The following LRTM2 variants were observed in gnomAD, a reference collection of about 807,000 sequenced individuals.
The protein encoded by LRTM2 is leucine rich repeat transmembrane protein 2, also known as leucine-rich repeat and transmembrane domain-containing protein 2.
In LRTM2, 18 loss-of-function variants were observed where a neutral mutation model predicts 28.1. The observed-to-expected ratio is 0.64, with a 90% CI of 0.44 to 0.95. The LOEUF (loss-of-function observed/expected upper bound fraction) is 0.95. LRTM2 is among the 40% of genes least tolerant of loss of function. LRTM2 has a pLI of 0.00. For missense variants in LRTM2, 436 were observed against 497.2 expected (o/e 0.88, Z 1.17); for synonymous variants, 250 against 218.7 (o/e 1.14, Z -1.26).
intron 1 of LRTM2, among the ~76,000 whole-genome samples, chr12:1,823,910 C>G (rs552979030): frequency 1.3e-5 from 2 of 152,180 alleles, no homozygotes; most frequent in Non-Finnish European, 2.9e-5. Flanking sequence ...AAGTAACCCC[C>G]ACGTGTAAGC....
chr12:1,821,621 G>T (rs1027270594), intron 1 of LRTM2, among the ~76,000 whole-genome samples: 1 of 152,168 alleles, frequency 6.6e-6, no homozygotes, highest in South Asian at 2.1e-4. Context: ...GAGCTTGGGT[G>T]GGGGGTACAC....
At chr12:1,826,016 C>A (rs1293994499) in intron 1 of LRTM2, among the ~76,000 whole-genome samples, 1 of 152,072 alleles carries the variant, frequency 6.6e-6, no homozygotes, top group African/African-American at 2.4e-5. Flanking sequence ...CTGCGAGGGC[C>A]GTAGGTGTGG....
At chr12:1,822,886 C>G (rs796971284) in intron 1 of LRTM2, among the ~76,000 whole-genome samples, 12 of 152,152 alleles carry the variant, frequency 7.9e-5, no homozygotes, top group Non-Finnish European at 1.6e-4. Context: ...GTCTTTGGCC[C>G]GGGGCTCTGG....
chr12:1,826,388 T>C (rs912688811), intron 1 of LRTM2, among the ~76,000 whole-genome samples: 1 of 146,294 alleles, frequency 6.8e-6, no homozygotes. Flanking sequence ...GGACCAGAGA[T>C]TTGAACCCAG....
Position 1,829,793 on chromosome 12 carries a change from G to A in LRTM2, c.68-1142G>A, listed in dbSNP as rs1006725598. Among the ~76,000 whole-genome samples the A allele has an allele frequency of 6.6e-6, 1 of 151,624 alleles. No individual in the cohort carries two copies. The highest frequency in any genetic ancestry group is 1.5e-5 in the Non-Finnish European group (1 of 67,860). ...ACTTCTCCATCAGTTCTCTGGCTGG[G>A]GTCTTTTCTCTAGGCTGGGTGGAAC... On this transcript the variant is annotated intron_variant, in intron 3 of 4. Transcript: ENST00000299194. The surrounding 1 kb of genome is among the most constrained non-coding windows in gnomAD (Gnocchi z 4.2).
At position 1,834,692 on chromosome 12, in the gene LRTM2, G is replaced by T. The variant is rs1164210408; in HGVS notation, c.1084G>T (p.Asp362Tyr). 2 of 1,601,462 alleles carry T rather than the reference G, an allele frequency of 1.2e-6. No individual in the cohort carries two copies. The highest frequency in any genetic ancestry group is 2.2e-5 in the South Asian group (2 of 90,976). The change falls in exon 5 of 5, where the codon GAC (aspartate) becomes TAC (tyrosine). Residue 362 changes from aspartate to tyrosine, a missense_variant. Physicochemically the swap from Asp to Tyr is radical, Grantham distance 160. Coordinates refer to ENST00000299194, the MANE Select transcript of LRTM2 (RefSeq NM_001039029.3). This position sits in a 1 kb window ranked among gnomAD's most constrained non-coding sequence, Gnocchi z 7.6. Reference protein sequence around the residue: ...LMGDPEGEHEDQKQISSVA With the variant: ...LMGDPEGEHEYQKQISSVA ...GGGGGACCCCGAGGGCGAGCACGAG[G>T]ACCAGAAGCAGATCTCTTCTGTGGC...
rs1335302022 is a variant in LRTM2 at position 1,829,691 on chromosome 12, C to T, written c.68-1244C>T. Among the ~76,000 whole-genome samples, 8 of 148,774 alleles carry T rather than the reference C, an allele frequency of 5.4e-5. No individual in the cohort carries two copies. The highest frequency in any genetic ancestry group is 9.8e-5 in the African/African-American group (4 of 40,790). On this transcript the variant is annotated intron_variant, in intron 3 of 4. Coordinates refer to ENST00000299194, the MANE Select transcript of LRTM2 (RefSeq NM_001039029.3). This position sits in a 1 kb window ranked among gnomAD's most constrained non-coding sequence, Gnocchi z 4.2. ...TGTTCAGACCCAGCTCACAGCCCAT[C>T]GGCCCACCCCGACCTGGGACAGCCA...
chr12:1,831,443 G>T lies in LRTM2; in HGVS notation c.576G>T (p.Leu192=). Reference sequence around the variant, plus strand: ...TTGAACCCCTAGCAAACCTGCAGCTGCTGCAGGTCGGGGATAACCCCTGGG... The same window carrying T: ...TTGAACCCCTAGCAAACCTGCAGCTTCTGCAGGTCGGGGATAACCCCTGGG... ...LTFEPLANLQ[L]LQVGDNPWEC... Residue 192 remains leucine, a synonymous_variant, in exon 4 of 5, where the codon CTG becomes CTT. Transcript: ENST00000299194. 6.2e-7 allele frequency: 1 copy of T among 1,614,132 alleles called. No homozygotes were observed. Among genetic ancestry groups the T allele is most frequent in the Non-Finnish European group, 8.5e-7 (1 of 1,180,038 alleles).
Position 1,831,087 on chromosome 12 carries a change from T to G in LRTM2, c.220T>G (p.Leu74Val), listed in dbSNP as rs1864604682. 1 of 1,614,040 alleles carries G rather than the reference T, an allele frequency of 6.2e-7. No homozygotes were observed. The highest frequency in any genetic ancestry group is 8.5e-7 in the Non-Finnish European group (1 of 1,180,036). Residue 74 changes from leucine to valine, a missense_variant, in exon 4 of 5, where the codon TTG (leucine) becomes GTG (valine). Leu to Val is a conservative substitution (Grantham distance 32). Coordinates refer to ENST00000299194, the MANE Select transcript of LRTM2 (RefSeq NM_001039029.3). The stretch of plus-strand genomic sequence containing the variant: ...CGTGCCCGCAGCCACCCGAACCCTC[T>G]TGCTCTTGAACAATAAGCTGAGTGC... ...PDVPAATRTL[L>V]LLNNKLSALP...
rs749198285 is a variant in LRTM2 at position 1,834,294 on chromosome 12, C to T, written c.686C>T (p.Thr229Ile). The T allele has an allele frequency of 2.5e-6, 4 of 1,598,682 alleles. No individual in the cohort carries two copies. The highest frequency in any genetic ancestry group is 1.7e-5 in the Admixed American group (1 of 59,112). Residue 229 changes from threonine (T) to isoleucine (I), a missense_variant, in exon 5 of 5, where the codon ACC becomes ATC. Physicochemically the swap from Thr to Ile is moderately conservative, Grantham distance 89. Transcript: ENST00000299194. The surrounding 1 kb of genome is among the most constrained non-coding windows in gnomAD (Gnocchi z 7.6). ...RGGRLDQLAC[T>I]LPKELRGKDM... ...GGACGCTTGGACCAGCTTGCCTGCACCCTGCCCAAGGAGCTGAGGGGGAAG... is the reference window on the plus strand; with the variant it reads ...GGACGCTTGGACCAGCTTGCCTGCATCCTGCCCAAGGAGCTGAGGGGGAAG...
intron 1 of LRTM2, chr12:1,822,017 C>G (rs890258406): frequency 6.6e-6 from 1 of 152,106 alleles, no homozygotes; most frequent in Non-Finnish European, 1.5e-5. Context: ...TAGGGAAACC[C>G]GACAGCAGCT....
At chr12:1,826,603 C>T (rs916211445) in intron 1 of LRTM2, among the ~76,000 whole-genome samples, 21 of 152,344 alleles carry the variant, frequency 1.4e-4, no homozygotes, top group Admixed American at 5.9e-4. Context: ...CCTCTGCCAA[C>T]GCCTGCGGGG....
rs1433409491 is a variant in LRTM2 at position 1,828,571 on chromosome 12, G to C, written c.67+356G>C. Among the ~76,000 whole-genome samples, 9 of 152,240 alleles carry C rather than the reference G, an allele frequency of 5.9e-5. No homozygotes were observed. The highest frequency in any genetic ancestry group is 1.7e-4 in the African/African-American group (7 of 41,466). On this transcript the variant is annotated intron_variant, in intron 3 of 4. Coordinates refer to ENST00000299194, the MANE Select transcript of LRTM2 (RefSeq NM_001039029.3). The surrounding 1 kb of genome is among the most constrained non-coding windows in gnomAD (Gnocchi z 4.2). ...GTCTTAAACAGCCTCACTGGTGCCT[G>C]AGCTTGTCGGCCTGTGTCACAGACT... is the stretch of plus-strand genomic sequence containing the variant.
At chr12:1,827,853 T>C (rs373134568) in intron 2 of LRTM2, 1 of 365,178 alleles carries the variant, frequency 2.7e-6, no homozygotes, top group African/African-American at 2.1e-5. Flanking sequence ...TGCGGCACTG[T>C]GCCCGACCCT....
Position 1,832,749 on chromosome 12 carries a change from G to A in LRTM2, c.658+1224G>A, listed in dbSNP as rs959761314. 2.6e-5 allele frequency among the ~76,000 whole-genome samples: 4 copies of A among 152,322 alleles called. No homozygotes were observed. The East Asian group carries it at 7.7e-4, about 29-fold the overall frequency. On this transcript the variant is annotated intron_variant, in intron 4 of 4. Transcript: ENST00000299194. ...CTTATATAGTTTCCAGTTTACCAAT[G>A]TCTTTTCATGTACATGATTTTAAAC...
Position 1,828,192 on chromosome 12 carries a change from C to CAGCCACT in LRTM2, c.44_45insAGCCACT (p.Leu16AlafsTer33). The stretch of plus-strand genomic sequence containing the variant: ...AGCCCTGGGCAGAGGGGCAGGCTCG[C>CAGCCACT]CCTGCAGTGGAGGCAAGTCTCCTGT... On this transcript the variant is annotated frameshift_variant, in exon 3 of 5. Coordinates refer to ENST00000299194, the MANE Select transcript of LRTM2 (RefSeq NM_001039029.3). LOFTEE classifies it high-confidence loss of function. The surrounding 1 kb of genome is among the most constrained non-coding windows in gnomAD (Gnocchi z 4.2). The CAGCCACT allele has an allele frequency of 6.5e-7, 1 of 1,547,110 alleles. No individual in the cohort carries two copies. The highest frequency in any genetic ancestry group is 8.7e-7 in the Non-Finnish European group (1 of 1,145,434).
rs1168924157 is a variant in LRTM2 at position 1,831,152 on chromosome 12, G to A, written c.285G>A (p.Gln95=). 3 of 1,613,996 alleles carry A rather than the reference G, an allele frequency of 1.9e-6. No individual in the cohort carries two copies. Among genetic ancestry groups the A allele is most frequent in the Non-Finnish European group, 2.5e-6 (3 of 1,180,042 alleles). ...SWAFANLSSL[Q]RLDLSNNFLD... ...CTTTCGCCAACCTCTCCAGCCTGCA[G>A]CGGTTGGACCTGTCCAACAACTTCC... Residue 95 remains glutamine, a synonymous_variant, in exon 4 of 5, where the codon CAG becomes CAA. Coordinates refer to ENST00000299194, the MANE Select transcript of LRTM2 (RefSeq NM_001039029.3).
chr12:1,831,227 G>A lies in LRTM2; in HGVS notation c.360G>A (p.Glu120=), dbSNP rs1224632249. The A allele has an allele frequency of 1.2e-6, 2 of 1,613,860 alleles. No individual in the cohort carries two copies. The highest frequency in any genetic ancestry group is 8.5e-7 in the Non-Finnish European group (1 of 1,180,044). Residue 120 remains glutamate, a synonymous_variant, in exon 4 of 5, where the codon GAG becomes GAA. Coordinates refer to ENST00000299194, the MANE Select transcript of LRTM2 (RefSeq NM_001039029.3). The part of the protein sequence containing the change: ...SIFGDLTNLT[E]LQLRNNSIRT... ...TCGGGGACCTGACGAATCTGACTGA[G>A]CTTCAGCTGCGCAATAACAGCATCA...
intron 1 of LRTM2, among the ~76,000 whole-genome samples, chr12:1,825,579 T>G (rs1864279747): frequency 6.6e-6 from 1 of 152,158 alleles, no homozygotes; most frequent in Admixed American, 6.5e-5. Flanking sequence ...AGTGCTGGAG[T>G]GCTGCCAGCC....
Sources: allele counts gnomAD v4.1 joint callset (sites outside exome capture counted in the v4.1 genomes callset), GRCh38; gene constraint gnomAD v4.1.1; non-coding constraint Gnocchi (gnomAD v3.1); transcripts MANE v1.5; gene names NCBI Gene and HGNC (gene_info 2026-07-23, HGNC 2026-07-21).